The following INTS2 variants were observed in gnomAD, a reference collection of about 807,000 sequenced individuals.
INTS2 encodes the protein KIAA1287.
INTS2 carries 57 observed loss-of-function variants against 139.6 expected under a neutral mutation model. The observed-to-expected ratio is 0.41, with a 90% CI of 0.33 to 0.51. The LOEUF (loss-of-function observed/expected upper bound fraction) is 0.51, where lower values mean the gene tolerates loss of function less well. INTS2 is among the 20% of genes least tolerant of loss of function. INTS2 has a pLI of 0.28. For synonymous variants in INTS2, 473 were observed against 493.4 expected (o/e 0.96, Z 0.55); for missense variants, 1,196 against 1,436.7 (o/e 0.83, Z 2.71).
At position 61,867,661 on chromosome 17, in the gene INTS2, T is replaced by C; in HGVS notation, c.3487A>G (p.Asn1163Asp). ...SQICKDSSYKNGSRDTGSMDP... is the reference protein window; with the variant it reads ...SQICKDSSYKDGSRDTGSMDP... ...ATGCTTCCAGTGTCCCTGGATCCAT[T>C]TTTATAAGATGAATCTTTACAGATT... Residue 1163 changes from asparagine (N) to aspartate (D), a missense_variant, in exon 25 of 25, where the codon AAT (asparagine) becomes GAT (aspartate). Physicochemically the swap from Asn to Asp is conservative, Grantham distance 23. Transcript: ENST00000251334. The surrounding 1 kb of genome is among the most constrained non-coding windows in gnomAD (Gnocchi z 5.6). The C allele has an allele frequency of 6.2e-7, 1 of 1,612,636 alleles. No homozygotes were observed.
rs1290227182 is a variant in INTS2, at chr17:61,893,488, GA to G, written c.1698+276del. Among the ~76,000 whole-genome samples the G allele has an allele frequency of 2.0e-5, 3 of 152,088 alleles. No individual in the cohort carries two copies. The highest frequency in any genetic ancestry group is 4.4e-5 in the Non-Finnish European group (3 of 68,040). On this transcript the variant is annotated intron_variant, in intron 13 of 24. Coordinates refer to ENST00000251334, the MANE Select transcript of INTS2 (RefSeq NM_001351695.2). This position sits in a 1 kb window ranked among gnomAD's most constrained non-coding sequence, Gnocchi z 5.4. ...AGACAGGCATATCACTTGAGGTCAG[GA>G]GTTCGACACCAGCCAGCCAACACGG...
chr17:61,911,531 T>G lies in INTS2; in HGVS notation c.943A>C (p.Asn315His), dbSNP rs201755832. 7 of 1,613,984 alleles carry G rather than the reference T, an allele frequency of 4.3e-6. No homozygotes were observed. The highest frequency in any genetic ancestry group is 5.9e-6 in the Non-Finnish European group (7 of 1,179,876). ...TATTTAACCCTCACCTGCTGTCCAT[T>G]TCGGATAAAAGTTCCAAACCAAGTC... Reference protein sequence around the residue: ...VRTWFGTFIRNGQQRKRETSS... With the variant: ...VRTWFGTFIRHGQQRKRETSS... The change falls in exon 7 of 25, where the codon AAT (asparagine) becomes CAT (histidine). Residue 315 changes from asparagine to histidine, a missense_variant. Asn to His is a moderately conservative substitution (Grantham distance 68). Transcript: ENST00000251334.
chr17:61,891,602 GTA>G lies in INTS2; in HGVS notation c.1784_1785del (p.Ile595ThrfsTer8). ...LPLIDVYINS[I>X]LTPASKSNPE... Reference sequence around the variant, plus strand: ...GGATTAGATTTCGACGCAGGAGTAAGTATAGAATTTATGTACACATCAATCAA... The same window carrying G: ...GGATTAGATTTCGACGCAGGAGTAAGTAGAATTTATGTACACATCAATCAA... On this transcript the variant is annotated frameshift_variant, in exon 14 of 25. Coordinates refer to ENST00000251334, the MANE Select transcript of INTS2 (RefSeq NM_001351695.2). LOFTEE classifies it high-confidence loss of function. 3.1e-6 allele frequency: 5 copies of G among 1,613,438 alleles called. No individual in the cohort carries two copies. Among genetic ancestry groups the G allele is most frequent in the Non-Finnish European group, 4.2e-6 (5 of 1,179,408 alleles).
chr17:61,868,794 C>G lies in INTS2; in HGVS notation c.3244+240G>C, dbSNP rs979414738. Among the ~76,000 whole-genome samples the G allele has an allele frequency of 6.6e-6, 1 of 152,058 alleles. No individual in the cohort carries two copies. The highest frequency in any genetic ancestry group is 1.5e-5 in the Non-Finnish European group (1 of 67,962). The stretch of plus-strand genomic sequence containing the variant: ...TTACAAATCTATATATACTCATTCA[C>G]AAAATGAAAAATACAATTTGCCTAC... On this transcript the variant is annotated intron_variant, in intron 23 of 24. Transcript: ENST00000251334. The surrounding 1 kb of genome is among the most constrained non-coding windows in gnomAD (Gnocchi z 4.7).
chr17:61,906,002 T>C lies in INTS2; in HGVS notation c.1181+1406A>G, dbSNP rs568670983. ...GTGAGCCACCGCGCCTGGCCTATGC[T>C]TTCATCTTTATTGGCCAACTGTCTC... On this transcript the variant is annotated intron_variant, in intron 8 of 24. Coordinates refer to ENST00000251334, the MANE Select transcript of INTS2 (RefSeq NM_001351695.2). 2.8e-3 allele frequency among the ~76,000 whole-genome samples: 425 copies of C among 152,330 alleles called. 3 individuals carry two copies. Among genetic ancestry groups the C allele is most frequent in the South Asian group, 5.4e-3 (26 of 4,824 alleles).
chr17:61,869,108 C>T lies in INTS2; in HGVS notation c.3170G>A (p.Cys1057Tyr). The change falls in exon 23 of 25, where the codon TGT (cysteine) becomes TAT (tyrosine). Residue 1057 changes from cysteine to tyrosine, a missense_variant. Physicochemically the swap from Cys to Tyr is radical, Grantham distance 194. This residue lies in a region of INTS2 where 1,129 missense variants were observed against 1,341.9 expected (regional missense o/e 0.84). Transcript: ENST00000251334. This position sits in a 1 kb window ranked among gnomAD's most constrained non-coding sequence, Gnocchi z 5.4. ...TGACTTTGGTAATGCATATTGTATA[C>T]ACAAGTGAGAAAGCAACTGGATAGC... is the stretch of plus-strand genomic sequence containing the variant. ...IFAIQLLSHL[C>Y]IQYALPKSLS... 1 of 1,611,848 alleles carries T rather than the reference C, an allele frequency of 6.2e-7. No homozygotes were observed. Among genetic ancestry groups the T allele is most frequent in the Non-Finnish European group, 8.5e-7 (1 of 1,178,296 alleles).
At chr17:61,895,588 C>A (rs1216079054) in intron 11 of INTS2, among the ~76,000 whole-genome samples, 1 of 152,036 alleles carries the variant, frequency 6.6e-6, no homozygotes, top group African/African-American at 2.4e-5. Flanking sequence ...TTAATAAATA[C>A]TATTATTGGC....
intron 4 of INTS2, among the ~76,000 whole-genome samples, chr17:61,920,486 CTTTTTTTT>C (rs1187583288): frequency 7.5e-5 from 8 of 106,504 alleles, no homozygotes; most frequent in African/African-American, 2.6e-4. Context: ...CTGGCCTATA[CTTTTTTTT>C]TTTTTTTTTT....
At chr17:61,901,625 A>G (rs894712026) in intron 9 of INTS2, among the ~76,000 whole-genome samples, 3 of 108,034 alleles carry the variant, frequency 2.8e-5, no homozygotes, top group African/African-American at 1.1e-4. Context: ...TCTGAGATGC[A>G]GTCCCGCTCT....
intron 17 of INTS2, among the ~76,000 whole-genome samples, chr17:61,878,681 C>T (rs1289129971): frequency 1.3e-5 from 2 of 151,898 alleles, no homozygotes; most frequent in African/African-American, 4.8e-5. Flanking sequence ...GTGGCTCACA[C>T]CTGTAATCTC....
chr17:61,918,897 GA>G (rs1348892757), intron 5 of INTS2, among the ~76,000 whole-genome samples: 1 of 149,154 alleles, frequency 6.7e-6, no homozygotes, highest in East Asian at 2.0e-4. Context: ...CCTGATTATA[GA>G]TATTACATCT....
At chr17:61,918,125 G>A (rs148520344) in intron 5 of INTS2, among the ~76,000 whole-genome samples, 5 of 152,210 alleles carry the variant, frequency 3.3e-5, no homozygotes, top group East Asian at 3.9e-4. Flanking sequence ...ACAAAAAATC[G>A]GCAAGGACAC....
rs995370911 is a variant in INTS2 at position 61,876,448 on chromosome 17, A to G, written c.2457-1410T>C. Among the ~76,000 whole-genome samples, 1 of 149,980 alleles carries G rather than the reference A, an allele frequency of 6.7e-6. No individual in the cohort carries two copies. Among genetic ancestry groups the G allele is most frequent in the Non-Finnish European group, 1.5e-5 (1 of 67,298 alleles). Reference sequence around the variant, plus strand: ...AAGCTCTGAAAGGAATGTCTCCAAGAAAAAAAAAATAGTGTTTCTTTTGTT... The same window carrying G: ...AAGCTCTGAAAGGAATGTCTCCAAGGAAAAAAAAATAGTGTTTCTTTTGTT... On this transcript the variant is annotated intron_variant, in intron 18 of 24. Coordinates refer to ENST00000251334, the MANE Select transcript of INTS2 (RefSeq NM_001351695.2). This position sits in a 1 kb window ranked among gnomAD's most constrained non-coding sequence, Gnocchi z 4.1.
Position 61,869,087 on chromosome 17 carries a change from T to G in INTS2, c.3191A>C (p.Lys1064Thr), listed in dbSNP as rs2079068768. Residue 1064 changes from lysine to threonine, a missense_variant, in exon 23 of 25, where the codon AAG becomes ACG. Lys to Thr is a moderately conservative substitution (Grantham distance 78). This residue lies in a region of INTS2 where 1,129 missense variants were observed against 1,341.9 expected (regional missense o/e 0.84). Transcript: ENST00000251334. The surrounding 1 kb of genome is among the most constrained non-coding windows in gnomAD (Gnocchi z 5.4). The part of the protein sequence containing the change: ...SHLCIQYALP[K>T]SLSVARLAVN... ...AGCTAAACGAGCCACACTAAGTGACTTTGGTAATGCATATTGTATACACAA... is the reference window on the plus strand; with the variant it reads ...AGCTAAACGAGCCACACTAAGTGACGTTGGTAATGCATATTGTATACACAA... The G allele has an allele frequency of 6.2e-7, 1 of 1,613,100 alleles. No homozygotes were observed.
intron 15 of INTS2, among the ~76,000 whole-genome samples, chr17:61,888,564 C>CGTGCGTGCGTGCGT (rs755542102): frequency 5.9e-5 from 7 of 119,596 alleles, no homozygotes; most frequent in African/African-American, 1.7e-4. Flanking sequence ...TGTGTGCGTG[C>CGTGCGTGCGTGCGT]GTGTGTGTGT....
intron 2 of INTS2, among the ~76,000 whole-genome samples, 175 bp from the exon 3 acceptor site, chr17:61,925,274 C>A (rs887351484): frequency 1.3e-5 from 2 of 152,284 alleles, no homozygotes; most frequent in East Asian, 3.9e-4. Context: ...TCACATCCTA[C>A]GTATAATAAA....
chr17:61,881,052 G>C lies in INTS2; in HGVS notation c.2209C>G (p.Leu737Val), dbSNP rs1474377152. ...GAATGATTTTTAGCATTATTAGTCA[G>C]GAGCATTCGCCGTAGCAGGGCATCA... is the stretch of plus-strand genomic sequence containing the variant. Reference protein sequence around the residue: ...GTDALLRRMLLTNNAKNHSPK... With the variant: ...GTDALLRRMLVTNNAKNHSPK... Residue 737 changes from leucine (L) to valine (V), a missense_variant, in exon 17 of 25, where the codon CTG becomes GTG. By Grantham distance (32) the Leu-to-Val change is conservative. Coordinates refer to ENST00000251334, the MANE Select transcript of INTS2 (RefSeq NM_001351695.2). 1 of 1,613,832 alleles carries C rather than the reference G, an allele frequency of 6.2e-7. No individual in the cohort carries two copies. The highest frequency in any genetic ancestry group is 8.5e-7 in the Non-Finnish European group (1 of 1,179,802).
Position 61,881,150 on chromosome 17 carries a change from C to T in INTS2, c.2111G>A (p.Arg704His), listed in dbSNP as rs780655251. 9.3e-6 allele frequency: 15 copies of T among 1,612,516 alleles called. No individual in the cohort carries two copies. The highest frequency in any genetic ancestry group is 6.7e-5 in the African/African-American group (5 of 74,876). ...ATGTGGGTAGTTAGTAGCAAGGAGA[C>T]GTAGTAAAGCTGAATGCAACCCTTG... ...ELGGLHSALL[R>H]LLATNYPHLC... The change falls in exon 17 of 25, where the codon CGT becomes CAT. Residue 704 changes from arginine (R) to histidine (H), a missense_variant. This residue lies in a region of INTS2 where 1,129 missense variants were observed against 1,341.9 expected (regional missense o/e 0.84). Transcript: ENST00000251334.
At chr17:61,902,105 A>AT (rs1379346048) in intron 9 of INTS2, among the ~76,000 whole-genome samples, 1 of 152,110 alleles carries the variant, frequency 6.6e-6, no homozygotes, top group Non-Finnish European at 1.5e-5. Context: ...TGACATTCTG[A>AT]TTCCTGGTCC....
Sources: gnomAD v4.1 joint callset for allele counts (sites outside exome capture counted in the v4.1 genomes callset) on GRCh38, gnomAD v4.1.1 for gene constraint, gnomAD v4.1.1 regional missense constraint, Gnocchi (gnomAD v3.1) non-coding constraint, MANE v1.5 for transcripts, NCBI Gene and HGNC (gene_info 2026-07-23, HGNC 2026-07-21) for gene names.